The following VPS13A variants were observed in gnomAD, a reference collection of about 807,000 sequenced individuals.
The protein encoded by VPS13A is vacuolar protein sorting 13 homolog A, also known as intermembrane lipid transfer protein VPS13A.
A neutral mutation model predicts 390.9 loss-of-function variants in VPS13A; 264 were observed. The observed-to-expected ratio is 0.68, with a 90% CI of 0.61 to 0.75. VPS13A has a LOEUF of 0.75. Ranked by LOEUF, VPS13A falls within the 30% of genes least tolerant of loss-of-function variation. The pLI, the probability that VPS13A is intolerant of heterozygous loss-of-function variation, is 0.00. For synonymous variants in VPS13A, 1,231 were observed against 1,227.1 expected, an observed-to-expected ratio of 1.00 and a Z score of -0.07; for missense variants, 3,409 against 3,733.9, an observed-to-expected ratio of 0.91 and a Z score of 2.27.
chr9:77,341,232 A>G (rs1468543487), intron 50 of VPS13A, among the ~76,000 whole-genome samples: 1 of 152,092 alleles, frequency 6.6e-6, no homozygotes, highest in Non-Finnish European at 1.5e-5. Flanking sequence ...AGGGACAATG[A>G]TCGGGATATA....
chr9:77,332,653 T>C (rs1564735632), intron 46 of VPS13A, among the ~76,000 whole-genome samples: 2 of 152,116 alleles, frequency 1.3e-5, no homozygotes, highest in African/African-American at 2.4e-5. Context: ...TAACAAAATA[T>C]GAGCTAGTCT....
chr9:77,212,900 A>C, intron 7 of VPS13A, 69 bp from the exon 8 acceptor site: 1 of 1,505,804 alleles, frequency 6.6e-7, no homozygotes, highest in Non-Finnish European at 9.2e-7. Context: ...TATGGTAGAT[A>C]ATGATTTATT....
chr9:77,338,056 G>T (rs1231979282), intron 47 of VPS13A: 2 of 152,698 alleles, frequency 1.3e-5, no homozygotes, highest in Non-Finnish European at 2.9e-5. Context: ...GCTCACTGTA[G>T]TCTCAAACTT....
chr9:77,326,655 T>C (rs1162147596), intron 45 of VPS13A, among the ~76,000 whole-genome samples: 1 of 152,190 alleles, frequency 6.6e-6, no homozygotes, highest in African/African-American at 2.4e-5. Flanking sequence ...TTTTAATAAA[T>C]GTTTTAATGT....
intron 58 of VPS13A, among the ~76,000 whole-genome samples, 173 bp downstream of exon 58, chr9:77,359,575 T>C (rs1247785756): frequency 6.6e-6 from 1 of 151,746 alleles, no homozygotes; most frequent in Non-Finnish European, 1.5e-5. Flanking sequence ...GCCAGCACTT[T>C]GGGAGACCTA....
At position 77,253,451 on chromosome 9, in the gene VPS13A, G is replaced by A. The variant is rs150832325; in HGVS notation, c.2288+1099G>A. Among the ~76,000 whole-genome samples, 118 of 152,066 alleles carry A rather than the reference G, an allele frequency of 7.8e-4. 3 individuals carry two copies. The highest frequency in any genetic ancestry group is 6.3e-4 in the African/African-American group (26 of 41,480). The stretch of plus-strand genomic sequence containing the variant: ...CTCCTGAGTAGCTGGGACTACAAGC[G>A]CATGCCACCACGCCCAGCTAATTTT... On this transcript the variant is annotated intron_variant, in intron 22 of 71. Transcript: ENST00000360280.
rs1824878292 is a variant in VPS13A at position 77,247,412 on chromosome 9, T to TTTGA, written c.2037+20_2037+23dup. 2.5e-6 allele frequency: 4 copies of TTTGA among 1,592,058 alleles called. No homozygotes were observed. The South Asian group carries it at 4.7e-5, about 19-fold the overall frequency. On this transcript the variant is annotated intron_variant, in intron 20 of 71. Transcript: ENST00000360280. ...CATCTAAAGGTATATACTAATAATATTTGATTTATGATACAGCATTTGGGG... is the reference window on the plus strand; with the variant it reads ...CATCTAAAGGTATATACTAATAATATTTGATTGATTTATGATACAGCATTTGGGG...
intron 52 of VPS13A, among the ~76,000 whole-genome samples, chr9:77,345,515 CAGT>C (rs1352797378): frequency 4.0e-5 from 6 of 151,618 alleles, no homozygotes; most frequent in African/African-American, 1.2e-4. Context: ...TTTTTTCAAA[CAGT>C]AGGTACCCTC....
Position 77,356,829 on chromosome 9 carries a change from T to A in VPS13A, c.7768T>A (p.Ser2590Thr), listed in dbSNP as rs1475567102. The change falls in exon 55 of 72, where the codon TCA (serine) becomes ACA (threonine). Residue 2590 changes from serine (S) to threonine (T), a missense_variant. By Grantham distance (58) the Ser-to-Thr change is moderately conservative. Coordinates refer to ENST00000360280, the MANE Select transcript of VPS13A (RefSeq NM_033305.3). ...EFKEYTESSP[S>T]EDKVIQLDTN... The stretch of plus-strand genomic sequence containing the variant: ...TAAGGAATATACTGAATCTTCTCCT[T>A]CAGAAGATAAGGTTATTCAGTTGGA... 19 of 1,613,800 alleles carry A rather than the reference T, an allele frequency of 1.2e-5. No individual in the cohort carries two copies. The highest frequency in any genetic ancestry group is 1.6e-5 in the Non-Finnish European group (19 of 1,179,802).
At chr9:77,313,740 A>G (rs1334474593) in intron 35 of VPS13A, among the ~76,000 whole-genome samples, 1 of 152,160 alleles carries the variant, frequency 6.6e-6, no homozygotes, top group Non-Finnish European at 1.5e-5. Flanking sequence ...TTGGAACAGA[A>G]CAGAAGTAGG....
At chr9:77,374,932 G>A (rs1213048059) in intron 67 of VPS13A, among the ~76,000 whole-genome samples, 2 of 151,982 alleles carry the variant, frequency 1.3e-5, no homozygotes, top group African/African-American at 4.8e-5. Context: ...GTCATCATAT[G>A]AGCTATTCCT....
Position 77,339,448 on chromosome 9 carries a change from T to C in VPS13A, c.6379-68T>C. 3 of 1,433,324 alleles carry C rather than the reference T, an allele frequency of 2.1e-6. No individual in the cohort carries two copies. In the South Asian group the frequency reaches 4.0e-5, roughly 19 times the overall value. 88.8% of individuals were successfully genotyped at this position (1,433,324 alleles called of 1,614,324 possible). ...TTTTGCAGCATTTGGAATACATAAA[T>C]AGAATTTTGAGGCATATTATTCTGC... On this transcript the variant is annotated intron_variant, in intron 47 of 71. Transcript: ENST00000360280.
At chr9:77,193,875 A>C (rs1824832851) in intron 1 of VPS13A, among the ~76,000 whole-genome samples, 1 of 152,112 alleles carries the variant, frequency 6.6e-6, no homozygotes, top group African/African-American at 2.4e-5. Flanking sequence ...GTCGACTGGC[A>C]TAGTTTCTTG....
At chr9:77,375,982 A>T (rs944486717) in intron 67 of VPS13A, among the ~76,000 whole-genome samples, 13 of 152,190 alleles carry the variant, frequency 8.5e-5, no homozygotes, top group African/African-American at 3.1e-4. Context: ...AATAAAGCAG[A>T]TTAAAGGAGG....
At chr9:77,359,563 A>G (rs1381715982) in intron 58 of VPS13A, among the ~76,000 whole-genome samples, 161 bp downstream of exon 58, 1 of 152,204 alleles carries the variant, frequency 6.6e-6, no homozygotes, top group African/African-American at 2.4e-5. Context: ...CACGCCTGTA[A>G]TGCCAGCACT....
At chr9:77,410,886 C>CAG (rs1427020895) in intron 71 of VPS13A, among the ~76,000 whole-genome samples, 2 of 151,692 alleles carry the variant, frequency 1.3e-5, no homozygotes, top group Non-Finnish European at 3.0e-5. Context: ...ATCAACGAGA[C>CAG]AAAGTTAACA....
intron 68 of VPS13A, among the ~76,000 whole-genome samples, chr9:77,397,587 A>G (rs899472060): frequency 6.6e-6 from 1 of 152,126 alleles, no homozygotes; most frequent in African/African-American, 2.4e-5. Context: ...GTTTCTTCAT[A>G]ACATTTGGAT....
chr9:77,384,350 T>G (rs1199439631), intron 68 of VPS13A, among the ~76,000 whole-genome samples: 1 of 151,894 alleles, frequency 6.6e-6, no homozygotes, highest in Non-Finnish European at 1.5e-5. Flanking sequence ...ACAAAATACC[T>G]TATTGATATC....
In VPS13A at chr9:77,316,259, T is replaced by C. The variant is rs748187577; in HGVS notation, c.4716T>C (p.Asn1572=). The change falls in exon 39 of 72, where the codon AAT becomes AAC. Residue 1572 remains asparagine (N), a synonymous_variant. Transcript: ENST00000360280. ...TGTTTGTAGCTGACATGACAAAAAA[T>C]GATGCTCCTGCTTTAGTCATTACAA... ...EIVFVADMTK[N]DAPALVITTQ... 5 of 1,613,300 alleles carry C rather than the reference T, an allele frequency of 3.1e-6. No individual in the cohort carries two copies. The South Asian group carries it at 5.5e-5, about 18-fold the overall frequency.
Sources: gnomAD v4.1 joint callset for allele counts (sites outside exome capture counted in the v4.1 genomes callset) on GRCh38, gnomAD v4.1.1 for gene constraint, MANE v1.5 for transcripts, NCBI Gene and HGNC (gene_info 2026-07-23, HGNC 2026-07-21) for gene names.